Variants in RGS17 observed in about 807,000 individuals in gnomAD.
The protein encoded by RGS17 is regulator of G protein signaling 17.
A neutral mutation model predicts 25.5 loss-of-function variants in RGS17; 12 were observed. The observed-to-expected ratio is 0.47, with a 90% CI of 0.30 to 0.76. RGS17 has a LOEUF of 0.76. RGS17 is among the 30% of genes least tolerant of loss of function. The pLI is 0.07. For missense variants in RGS17, 196 were observed against 242.2 expected, an observed-to-expected ratio of 0.81 and a Z score of 1.27; for synonymous variants, 71 against 76.9, an observed-to-expected ratio of 0.92 and a Z score of 0.40.
chr6:153,117,478 G>C (rs1202033665), intron 1 of RGS17, among the ~76,000 whole-genome samples: 2 of 152,162 alleles, frequency 1.3e-5, no homozygotes, highest in Admixed American at 1.3e-4. Flanking sequence ...TCCAATATGA[G>C]AGGAAAAGGG....
intron 1 of RGS17, among the ~76,000 whole-genome samples, chr6:153,096,314 A>G (rs1283418237): frequency 2.0e-5 from 3 of 152,228 alleles, no homozygotes; most frequent in Non-Finnish European, 4.4e-5. Flanking sequence ...CTTGCTGTGT[A>G]ATATAGAAAT....
chr6:153,057,593 G>A (rs1241632018), intron 1 of RGS17, among the ~76,000 whole-genome samples: 2 of 152,090 alleles, frequency 1.3e-5, no homozygotes, highest in African/African-American at 2.4e-5. Context: ...ATTTTTCCAC[G>A]GATGGGTGTG....
intron 1 of RGS17, among the ~76,000 whole-genome samples, chr6:153,044,797 A>C (rs1285857958): frequency 6.6e-6 from 1 of 152,216 alleles, no homozygotes; most frequent in Non-Finnish European, 1.5e-5. Context: ...AGAATGTCCT[A>C]TCTGTGATCT....
chr6:153,100,731 T>A (rs1377324868), intron 1 of RGS17, among the ~76,000 whole-genome samples: 1 of 152,196 alleles, frequency 6.6e-6, no homozygotes, highest in Admixed American at 6.5e-5. Flanking sequence ...AAGCAGCCCC[T>A]TAAATATTTT....
At chr6:153,029,307 G>A (rs1779336210) in intron 2 of RGS17, among the ~76,000 whole-genome samples, 1 of 152,286 alleles carries the variant, frequency 6.6e-6, no homozygotes, top group Non-Finnish European at 1.5e-5. Context: ...CAAGGTTTCA[G>A]TTATCAAGAA....
chr6:153,044,235 G>A (rs915218968), intron 1 of RGS17, among the ~76,000 whole-genome samples, 192 bp from the exon 2 acceptor site: 2 of 152,126 alleles, frequency 1.3e-5, no homozygotes, highest in South Asian at 4.1e-4. Flanking sequence ...ACTTTGGGGA[G>A]GAACGTCTAC....
chr6:153,052,055 C>G (rs1014985448), intron 1 of RGS17, among the ~76,000 whole-genome samples: 12 of 152,166 alleles, frequency 7.9e-5, no homozygotes, highest in Non-Finnish European at 1.6e-4. Context: ...CAGAGATCAT[C>G]AGGGCTTCAT....
rs74896285 is a variant in RGS17, at chr6:153,014,145, G to T, written c.445-2383C>A. Among the ~76,000 whole-genome samples, 797 of 152,230 alleles carry T rather than the reference G, an allele frequency of 5.2e-3. 10 individuals are homozygous for T. Among genetic ancestry groups the T allele is most frequent in the Middle Eastern group, 0.02 (6 of 294 alleles). On this transcript the variant is annotated intron_variant, in intron 4 of 4. Transcript: ENST00000206262. ...TGCTGTTAAGGGCTAATACTAACTG[G>T]TAACTTTAAACAGATACGAATGCTT...
chr6:153,117,195 A>G (rs1261071283), intron 1 of RGS17, among the ~76,000 whole-genome samples: 1 of 152,182 alleles, frequency 6.6e-6, no homozygotes, highest in African/African-American at 2.4e-5. Context: ...TCATGGCGGA[A>G]GGTGAAGGGG....
intron 1 of RGS17, among the ~76,000 whole-genome samples, chr6:153,127,198 C>T (rs1476546046): frequency 6.6e-6 from 1 of 152,178 alleles, no homozygotes; most frequent in Non-Finnish European, 1.5e-5. Flanking sequence ...AGGTAATGCT[C>T]ACTTACCAGC....
chr6:153,023,718 A>G (rs1779269875), intron 4 of RGS17, among the ~76,000 whole-genome samples: 1 of 152,216 alleles, frequency 6.6e-6, no homozygotes, highest in Non-Finnish European at 1.5e-5. Context: ...GTAAAGAGTC[A>G]ATCATAAACA....
chr6:153,026,987 T>C (rs9478382), intron 2 of RGS17, among the ~76,000 whole-genome samples: 23,589 of 152,194 alleles, frequency 0.15, 2,362 homozygotes, highest in Non-Finnish European at 0.22. Context: ...GCTAATAAGA[T>C]ACAATGTGTC....
intron 1 of RGS17, among the ~76,000 whole-genome samples, chr6:153,104,808 G>A (rs973786460): frequency 2.0e-5 from 3 of 150,576 alleles, no homozygotes; most frequent in African/African-American, 7.4e-5. Context: ...GGGCTACAGA[G>A]CGAGACTCTT....
chr6:153,023,396 T>A (rs685449), intron 4 of RGS17: 215,022 of 507,118 alleles, frequency 0.42, 46,524 homozygotes, highest in South Asian at 0.53. Context: ...GGAACCTCTA[T>A]GTTCTCTAAG....
chr6:153,112,267 T>C (rs6557265), intron 1 of RGS17, among the ~76,000 whole-genome samples: 70,998 of 151,928 alleles, frequency 0.47, 17,221 homozygotes, highest in East Asian at 0.85. Flanking sequence ...CATGAGAACA[T>C]TGTGAAGCAT....
At chr6:153,102,170 T>G (rs943835106) in intron 1 of RGS17, among the ~76,000 whole-genome samples, 5 of 152,188 alleles carry the variant, frequency 3.3e-5, no homozygotes, top group African/African-American at 1.2e-4. Flanking sequence ...CCCCAGCTGA[T>G]GCTCTGAGAG....
At chr6:153,125,664 C>T (rs1482296092) in intron 1 of RGS17, among the ~76,000 whole-genome samples, 2 of 151,994 alleles carry the variant, frequency 1.3e-5, no homozygotes, top group Non-Finnish European at 2.9e-5. Context: ...CCCAGGAGTT[C>T]AAGACAAGCA....
At chr6:153,017,437 G>C (rs76789849) in intron 4 of RGS17, among the ~76,000 whole-genome samples, 2,049 of 152,222 alleles carry the variant, frequency 0.013, 57 homozygotes, top group African/African-American at 0.047. Flanking sequence ...AATCTTGTTA[G>C]TGTGGCTTGG....
At chr6:153,051,660 G>C (rs1776462785) in intron 1 of RGS17, among the ~76,000 whole-genome samples, 1 of 152,118 alleles carries the variant, frequency 6.6e-6, no homozygotes, top group African/African-American at 2.4e-5. Context: ...AGTACTGAAG[G>C]CACGGCTTTG....
Sources: gnomAD v4.1 joint callset for allele counts (sites outside exome capture counted in the v4.1 genomes callset) on GRCh38, gnomAD v4.1.1 for gene constraint, MANE v1.5 for transcripts, NCBI Gene and HGNC (gene_info 2026-07-23, HGNC 2026-07-21) for gene names.